VGF: variants seen among roughly 807,000 people sequenced by gnomAD.
VGF encodes the protein VGF nerve growth factor inducible, also known as neurosecretory protein VGF.
Under a neutral mutation model 41.1 loss-of-function variants are expected in VGF, and 13 were observed. The observed-to-expected ratio is 0.32, with a 90% confidence interval of 0.21 to 0.50. The LOEUF (loss-of-function observed/expected upper bound fraction) is 0.50, where lower values mean the gene tolerates loss of function less well. Among genes scored for constraint, VGF ranks in the 20% least tolerant of loss-of-function variants. The pLI, the probability that VGF is intolerant of heterozygous loss-of-function variation, is 0.98. For synonymous variants in VGF, 473 were observed against 418.3 expected, an observed-to-expected ratio of 1.13 and a Z score of -1.60; for missense variants, 920 against 882.1, an observed-to-expected ratio of 1.04 and a Z score of -0.54.
chr7:101,162,673 A>C lies in VGF; in HGVS notation c.*323T>G. ...GGAGACAGACACACTTCACACAATT[A>C]ACTGGAACTGCTTTTTCCGGTTTCC... On this transcript the variant is annotated 3_prime_UTR_variant, in exon 2 of 2. Coordinates refer to ENST00000249330, the MANE Select transcript of VGF (RefSeq NM_003378.4). This position sits in a 1 kb window ranked among gnomAD's most constrained non-coding sequence, Gnocchi z 4.2. The C allele has an allele frequency of 2.2e-6, 1 of 461,566 alleles. No homozygotes were observed. The highest frequency in any genetic ancestry group is 4.2e-6 in the Non-Finnish European group (1 of 239,116). 28.6% of individuals were successfully genotyped at this position (461,566 alleles called of 1,614,324 possible).
chr7:101,163,762 G>T lies in VGF; in HGVS notation c.1082C>A (p.Ala361Glu). The T allele has an allele frequency of 6.5e-7, 1 of 1,531,914 alleles. No individual in the cohort carries two copies. The highest frequency in any genetic ancestry group is 8.7e-7 in the Non-Finnish European group (1 of 1,143,716). The allele number at this position is 1,531,914 out of a possible 1,614,324, so 94.9% of individuals were successfully genotyped here. The change falls in exon 2 of 2, where the codon GCA becomes GAA. Residue 361 changes from alanine (A) to glutamate (E), a missense_variant. Physicochemically the swap from Ala to Glu is moderately radical, Grantham distance 107. Around this residue, in one of 3 missense-constraint regions of VGF, gnomAD observed 654 missense variants for 638.4 expected, o/e 1.02. Transcript: ENST00000249330. This position sits in a 1 kb window ranked among gnomAD's most constrained non-coding sequence, Gnocchi z 5.0. ...LQEAAEERES[A>E]REEEEAEQER... ...CTGCTCCGCCTCCTCCTCCTCCCTT[G>T]CACTCTCTCGCTCCTCCGCCGCCTC...
At position 101,164,190 on chromosome 7, in the gene VGF, C is replaced by T; in HGVS notation, c.654G>A (p.Pro218=). 6.6e-7 allele frequency: 1 copy of T among 1,523,564 alleles called. No homozygotes were observed. Among genetic ancestry groups the T allele is most frequent in the Non-Finnish European group, 8.8e-7 (1 of 1,140,868 alleles). 94.4% of individuals were successfully genotyped at this position (1,523,564 alleles called of 1,614,324 possible). The part of the protein sequence containing the change: ...ASWGEFQARV[P]ERAPLPPPAP... ...CCGGGGGCGGCAGGGGCGCGCGCTC[C>T]GGGACACGCGCCTGGAACTCTCCCC... is the stretch of plus-strand genomic sequence containing the variant. Residue 218 remains proline, a synonymous_variant, in exon 2 of 2, where the codon CCG becomes CCA. Coordinates refer to ENST00000249330, the MANE Select transcript of VGF (RefSeq NM_003378.4).
In VGF at chr7:101,164,358, C is replaced by G. The variant is rs777594782; in HGVS notation, c.486G>C (p.Leu162=). The part of the protein sequence containing the change: ...PSEELEALAS[L]LQELRDFSPS... ...GACTGAAATCTCGCAGTTCCTGGAG[C>G]AGGGACGCTAGCGCCTCGAGCTCCT... is the stretch of plus-strand genomic sequence containing the variant. The change falls in exon 2 of 2, where the codon CTG becomes CTC. Residue 162 remains leucine, a synonymous_variant. Transcript: ENST00000249330. The G allele has an allele frequency of 9.3e-6, 15 of 1,611,952 alleles. No homozygotes were observed. The highest frequency in any genetic ancestry group is 1.3e-5 in the Non-Finnish European group (15 of 1,179,906).
rs368851042 is a variant in VGF at position 101,164,718 on chromosome 7, C to T, written c.126G>A (p.Pro42=). The T allele has an allele frequency of 1.0e-4, 168 of 1,609,900 alleles. No individual in the cohort carries two copies. The highest frequency in any genetic ancestry group is 1.3e-4 in the Non-Finnish European group (155 of 1,178,562). ...PPPLSSEHKE[P]VAGDAVPGPK... is the part of the protein sequence containing the mutation. ...GCCCGGGCACTGCGTCCCCGGCTAC[C>T]GGCTCTTTATGCTCAGAGCTGAGAG... Residue 42 remains proline (P), a synonymous_variant, in exon 2 of 2, where the codon CCG becomes CCA. Transcript: ENST00000249330.
Position 101,164,210 on chromosome 7 carries a change from C to G in VGF, c.634G>C (p.Glu212Gln). 6.4e-7 allele frequency: 1 copy of G among 1,557,256 alleles called. No homozygotes were observed. The highest frequency in any genetic ancestry group is 8.7e-7 in the Non-Finnish European group (1 of 1,154,914). Residue 212 changes from glutamate to glutamine, a missense_variant, in exon 2 of 2, where the codon GAG (glutamate) becomes CAG (glutamine). By Grantham distance (29) the Glu-to-Gln change is conservative. Transcript: ENST00000249330. Reference sequence around the variant, plus strand: ...CGCTCCGGGACACGCGCCTGGAACTCTCCCCAGGAAGCGCGCCATACGCGC... The same window carrying G: ...CGCTCCGGGACACGCGCCTGGAACTGTCCCCAGGAAGCGCGCCATACGCGC... ...PERVWRASWG[E>Q]FQARVPERAP...
chr7:101,163,418 C>T lies in VGF; in HGVS notation c.1426G>A (p.Val476Met). ...TTCTTCCGCTTCCGCTTCTCCTCCA[C>T]CTCCTCGATGATGCTGACCACGTCG... is the stretch of plus-strand genomic sequence containing the variant. ...ADDVVSIIEE[V>M]EEKRKRKKNA... Residue 476 changes from valine to methionine, a missense_variant, in exon 2 of 2, where the codon GTG becomes ATG. This residue lies in a region of VGF where 257 missense variants were observed against 217.2 expected (regional missense o/e 1.18). Transcript: ENST00000249330. This position sits in a 1 kb window ranked among gnomAD's most constrained non-coding sequence, Gnocchi z 5.0. 1 of 1,609,534 alleles carries T rather than the reference C, an allele frequency of 6.2e-7. No homozygotes were observed. The highest frequency in any genetic ancestry group is 8.5e-7 in the Non-Finnish European group (1 of 1,179,760).
chr7:101,168,604 T>A (rs964642681), upstream of VGF, among the ~76,000 whole-genome samples: 12 of 152,134 alleles, frequency 7.9e-5, no homozygotes, highest in African/African-American at 2.7e-4. Flanking sequence ...GGATGCCTGG[T>A]ATTGGTTCTG....
In VGF at chr7:101,165,511, T is replaced by C. The variant is rs1797203299; in HGVS notation, c.-158A>G. On this transcript the variant is annotated 5_prime_UTR_variant, in exon 1 of 2. Coordinates refer to ENST00000249330, the MANE Select transcript of VGF (RefSeq NM_003378.4). Reference sequence around the variant, plus strand: ...GGTCGAGGTCTGGCGTCCCGTGGGCTGGGCTCAGCTGGGTCGGCGCGGCTC... The same window carrying C: ...GGTCGAGGTCTGGCGTCCCGTGGGCCGGGCTCAGCTGGGTCGGCGCGGCTC... The C allele has an allele frequency of 1.0e-6, 1 of 985,434 alleles. No homozygotes were observed. The highest frequency in any genetic ancestry group is 1.7e-5 in the African/African-American group (1 of 57,352). The allele number at this position is 985,434 out of a possible 1,614,324, so 61.0% of individuals were successfully genotyped here. A position where few individuals can be genotyped will look rare whatever the true frequency, so the allele number is the denominator to read the frequency against.
upstream of VGF, among the ~76,000 whole-genome samples, chr7:101,168,482 C>T (rs564533231): frequency 2.0e-4 from 30 of 152,094 alleles, no homozygotes; most frequent in Middle Eastern, 6.8e-3. Context: ...GGACTGGGCA[C>T]AGGTTCTTGG....
Position 101,164,522 on chromosome 7 carries a change from C to T in VGF, c.322G>A (p.Glu108Lys), listed in dbSNP as rs760138971. The change falls in exon 2 of 2, where the codon GAA becomes AAA. Residue 108 changes from glutamate to lysine, a missense_variant. Glu to Lys is a moderately conservative substitution (Grantham distance 56, BLOSUM62 1). Coordinates refer to ENST00000249330, the MANE Select transcript of VGF (RefSeq NM_003378.4). ...APSGSQQGPE[E>K]EAAEALLTET... ...GTCAGCAGAGCTTCAGCTGCTTCTT[C>T]CTCCGGCCCCTGCTGGGAGCCGCTT... The T allele has an allele frequency of 1.9e-6, 3 of 1,599,120 alleles. No individual in the cohort carries two copies. Among genetic ancestry groups the T allele is most frequent in the African/African-American group, 1.3e-5 (1 of 74,868 alleles).
upstream of VGF, among the ~76,000 whole-genome samples, chr7:101,166,634 G>A (rs533635192): frequency 3.6e-3 from 539 of 150,600 alleles, 4 homozygotes; most frequent in South Asian, 0.014. Flanking sequence ...CCCTTCGACC[G>A]TATCTCCTGC....
intron 1 of VGF, chr7:101,165,117 C>T (rs1797197067): frequency 6.7e-6 from 8 of 1,191,602 alleles, no homozygotes; most frequent in Non-Finnish European, 7.3e-6. Flanking sequence ...AGCCATCTCA[C>T]TGCCATCGCC....
chr7:101,167,372 A>G (rs1193405961), upstream of VGF, among the ~76,000 whole-genome samples: 1 of 151,818 alleles, frequency 6.6e-6, no homozygotes, highest in African/African-American at 2.4e-5. The surrounding 1 kb of genome is among the most constrained non-coding windows in gnomAD (Gnocchi z 4.2). Flanking sequence ...GTGACAGTGG[A>G]GATTCCAAAG....
Position 101,163,241 on chromosome 7 carries a change from C to G in VGF, c.1603G>C (p.Asp535His), listed in dbSNP as rs766897095. 6 of 1,527,344 alleles carry G rather than the reference C, an allele frequency of 3.9e-6. No homozygotes were observed. Among genetic ancestry groups the G allele is most frequent in the Non-Finnish European group, 5.3e-6 (6 of 1,141,582 alleles). 94.6% of individuals were successfully genotyped at this position (1,527,344 alleles called of 1,614,324 possible). ...TACGGCCCTGGCGGGTACACCTCGT[C>G]CTCCTCCCGATCCCAGGGCGGGAGC... ...EVLPPWDREEDEVYPPGPYHP... is the reference protein window; with the variant it reads ...EVLPPWDREEHEVYPPGPYHP... The change falls in exon 2 of 2, where the codon GAC becomes CAC. Residue 535 changes from aspartate (D) to histidine (H), a missense_variant. By Grantham distance (81) the Asp-to-His change is moderately conservative (BLOSUM62 -1). Coordinates refer to ENST00000249330, the MANE Select transcript of VGF (RefSeq NM_003378.4). The surrounding 1 kb of genome is among the most constrained non-coding windows in gnomAD (Gnocchi z 5.0).
At chr7:101,169,769 A>G (rs562120507), upstream of VGF, among the ~76,000 whole-genome samples, 10 of 152,164 alleles carry the variant, frequency 6.6e-5, no homozygotes, top group Non-Finnish European at 1.5e-4. Flanking sequence ...GCAACAGAAA[A>G]AAAACCACTT....
rs1196292949 is a variant in VGF at position 101,165,392 on chromosome 7, G to A, written c.-39C>T. The A allele has an allele frequency of 3.0e-6, 3 of 985,372 alleles. No individual in the cohort carries two copies. Among genetic ancestry groups the A allele is most frequent in the Non-Finnish European group, 3.6e-6 (3 of 829,974 alleles). 61.0% of individuals were successfully genotyped at this position (985,372 alleles called of 1,614,324 possible). A position where few individuals can be genotyped will look rare whatever the true frequency, so the allele number is the denominator to read the frequency against. On this transcript the variant is annotated 5_prime_UTR_variant, in exon 1 of 2. Coordinates refer to ENST00000249330, the MANE Select transcript of VGF (RefSeq NM_003378.4). ...TATTTACCAGCTGGTGTCACGACGC[G>A]AGAGGTGGAGAGGAGGGTCGGGGCA...
intron 1 of VGF, 138 bp from the exon 2 acceptor site, chr7:101,165,001 T>G: frequency 7.3e-7 from 1 of 1,373,946 alleles, no homozygotes; most frequent in Non-Finnish European, 9.4e-7. Context: ...AGAGGAACGT[T>G]TAGGAGCAAA....
intron 1 of VGF, chr7:101,165,097 C>G (rs1562870052): frequency 8.2e-7 from 1 of 1,226,716 alleles, no homozygotes; most frequent in Non-Finnish European, 1.0e-6. Context: ...CCTCCTCGGC[C>G]CCTTCCCTGA....
rs761900776 is a variant in VGF at position 101,163,611 on chromosome 7, C to G, written c.1233G>C (p.Gly411=). The change falls in exon 2 of 2, where the codon GGG becomes GGC. Residue 411 remains glycine (G), a synonymous_variant. Transcript: ENST00000249330. The surrounding 1 kb of genome is among the most constrained non-coding windows in gnomAD (Gnocchi z 5.0). ...NALLFAEEED[G]EAGAEDKRSQ... is the part of the protein sequence containing the mutation. ...AGCGCTTGTCCTCGGCGCCGGCTTC[C>G]CCGTCCTCCTCCTCCGCGAACAGGA... 1.3e-6 allele frequency: 2 copies of G among 1,553,236 alleles called. No individual in the cohort carries two copies. The highest frequency in any genetic ancestry group is 1.8e-4 in the Middle Eastern group (1 of 5,682).
Sources: gnomAD v4.1 joint callset for allele counts (sites outside exome capture counted in the v4.1 genomes callset) on GRCh38, gnomAD v4.1.1 for gene constraint, gnomAD v4.1.1 regional missense constraint, Gnocchi (gnomAD v3.1) non-coding constraint, MANE v1.5 for transcripts, NCBI Gene and HGNC (gene_info 2026-07-23, HGNC 2026-07-21) for gene names.